Variants in DLGAP2 observed in about 807,000 individuals in gnomAD.
DLGAP2 encodes the protein DLG associated protein 2.
A neutral mutation model predicts 100.3 loss-of-function variants in DLGAP2; 26 were observed. That is an observed-to-expected ratio of 0.26 (90% CI 0.19 to 0.36). The LOEUF (loss-of-function observed/expected upper bound fraction) is 0.36. Ranked by LOEUF, DLGAP2 falls within the 10% of genes least tolerant of loss-of-function variation. The pLI is 1.00. For missense variants in DLGAP2, 1,858 were observed against 1,453.2 expected, an observed-to-expected ratio of 1.28 and a Z score of -4.53; for synonymous variants, 886 against 630.1, an observed-to-expected ratio of 1.41 and a Z score of -6.08.
At chr8:1,092,861 A>T (rs1381620886) in intron 2 of DLGAP2, among the ~76,000 whole-genome samples, 2 of 152,148 alleles carry the variant, frequency 1.3e-5, no homozygotes, top group Non-Finnish European at 2.9e-5. Context: ...GGGGCCTCAT[A>T]ACTGGGTTCA....
intron 2 of DLGAP2, among the ~76,000 whole-genome samples, chr8:1,003,831 G>A (rs996485490): frequency 1.3e-5 from 2 of 152,194 alleles, no homozygotes; most frequent in African/African-American, 4.8e-5. Context: ...GAACCATTGA[G>A]TTAATGATGA....
At chr8:1,067,603 A>ATGTGTGTG (rs1563173889) in intron 2 of DLGAP2, among the ~76,000 whole-genome samples, 1 of 100,894 alleles carries the variant, frequency 9.9e-6, no homozygotes, top group African/African-American at 4.0e-5. Flanking sequence ...TGGTTGAGTG[A>ATGTGTGTG]CGTGTGTGTG....
intron 3 of DLGAP2, among the ~76,000 whole-genome samples, chr8:1,480,882 A>T (rs910125514): frequency 5.3e-5 from 8 of 150,918 alleles, no homozygotes; most frequent in Non-Finnish European, 1.2e-4. Flanking sequence ...AAAAGAAAAG[A>T]AAAGAAAAGG....
intron 2 of DLGAP2, among the ~76,000 whole-genome samples, chr8:1,157,201 A>G (rs1451884): frequency 0.85 from 128,843 of 152,038 alleles, 54,787 homozygotes; most frequent in Non-Finnish European, 0.88. Context: ...TGGGTTCCGT[A>G]CCCCGTGTGT....
At chr8:1,695,028 G>C (rs1356992190) in intron 13 of DLGAP2, among the ~76,000 whole-genome samples, 1 of 152,198 alleles carries the variant, frequency 6.6e-6, no homozygotes, top group Non-Finnish European at 1.5e-5. Flanking sequence ...CGGGTGTGTT[G>C]TTGCCGAGGA....
At chr8:968,817 G>T (rs761660769) in intron 2 of DLGAP2, among the ~76,000 whole-genome samples, 1 of 152,140 alleles carries the variant, frequency 6.6e-6, no homozygotes, top group Non-Finnish European at 1.5e-5. Flanking sequence ...ATAATGAGTC[G>T]CAGTGGATCC....
chr8:1,096,277 C>G (rs1804363167), intron 2 of DLGAP2, among the ~76,000 whole-genome samples: 1 of 152,228 alleles, frequency 6.6e-6, no homozygotes, highest in African/African-American at 2.4e-5. Context: ...CTTGCCAAGC[C>G]TTTGCTCAGA....
intron 1 of DLGAP2, among the ~76,000 whole-genome samples, chr8:822,405 C>T (rs1796600048): frequency 6.6e-6 from 1 of 152,186 alleles, no homozygotes; most frequent in Non-Finnish European, 1.5e-5. Flanking sequence ...GCAGGAGAGG[C>T]TGCGGACACT....
chr8:1,529,204 G>T (rs1401493161), intron 4 of DLGAP2, among the ~76,000 whole-genome samples: 1 of 152,208 alleles, frequency 6.6e-6, no homozygotes, highest in Non-Finnish European at 1.5e-5. Context: ...CAAGGTAGCA[G>T]GAAGGAGAAG....
chr8:1,227,046 T>A (rs1015218228), intron 2 of DLGAP2, among the ~76,000 whole-genome samples: 3 of 149,088 alleles, frequency 2.0e-5, no homozygotes, highest in Non-Finnish European at 4.4e-5. Context: ...CTCGGAAATA[T>A]ATCTGCACTC....
In DLGAP2 at chr8:1,187,701, T is replaced by A. The variant is rs1232302296; in HGVS notation, c.74-71150T>A. Reference sequence around the variant, plus strand: ...ATTTCCCTCACACGCCCAGGACCTCTGTGACGTTTCCCTCACGGAATCTCA... The same window carrying A: ...ATTTCCCTCACACGCCCAGGACCTCAGTGACGTTTCCCTCACGGAATCTCA... On this transcript the variant is annotated intron_variant, in intron 2 of 14. Transcript: ENST00000637795. 9.8e-5 allele frequency among the ~76,000 whole-genome samples: 12 copies of A among 121,896 alleles called. No homozygotes were observed. The East Asian group carries it at 3.5e-3, about 35-fold the overall frequency. The allele number at this position is 121,896 out of a possible 152,430, so 80.0% of individuals were successfully genotyped here. A position where few individuals can be genotyped will look rare whatever the true frequency, so the allele number is the denominator to read the frequency against.
intron 2 of DLGAP2, among the ~76,000 whole-genome samples, chr8:1,236,161 G>A (rs1489367057): frequency 2.5e-5 from 2 of 80,780 alleles, no homozygotes; most frequent in Admixed American, 1.5e-4. Context: ...CACACATAGC[G>A]TCTTGTCTAG....
chr8:764,383 C>G (rs6986946), intron 1 of DLGAP2, among the ~76,000 whole-genome samples: 1 of 152,108 alleles, frequency 6.6e-6, no homozygotes, highest in Non-Finnish European at 1.5e-5. Context: ...TCCATCCATC[C>G]GAGAGAAGAA....
intron 1 of DLGAP2, among the ~76,000 whole-genome samples, chr8:867,797 G>C (rs1797526265): frequency 6.6e-6 from 1 of 152,188 alleles, no homozygotes; most frequent in African/African-American, 2.4e-5. Context: ...GAATGATTCT[G>C]TTTTGAATAA....
intron 2 of DLGAP2, among the ~76,000 whole-genome samples, chr8:1,117,448 G>T (rs1805153399): frequency 6.6e-6 from 1 of 152,232 alleles, no homozygotes; most frequent in South Asian, 2.1e-4. Flanking sequence ...AGAAGAAACA[G>T]GCTCACGGTG....
chr8:949,286 C>T (rs1201193580), intron 2 of DLGAP2, among the ~76,000 whole-genome samples: 1 of 152,134 alleles, frequency 6.6e-6, no homozygotes, highest in Non-Finnish European at 1.5e-5. Context: ...AGTTCAGGCA[C>T]AGGTGCGGAC....
intron 2 of DLGAP2, among the ~76,000 whole-genome samples, chr8:1,123,240 T>TA (rs749431915): frequency 6.6e-6 from 1 of 152,236 alleles, no homozygotes; most frequent in Non-Finnish European, 1.5e-5. Context: ...TTTTGCATTC[T>TA]AAAATGTAAA....
chr8:821,526 A>G (rs1475337358), intron 1 of DLGAP2, among the ~76,000 whole-genome samples: 1 of 152,226 alleles, frequency 6.6e-6, no homozygotes, highest in Non-Finnish European at 1.5e-5. Flanking sequence ...ATTTATCAAA[A>G]ATACATATAT....
chr8:1,386,368 A>G (rs1187995515), intron 3 of DLGAP2, among the ~76,000 whole-genome samples: 1 of 152,210 alleles, frequency 6.6e-6, no homozygotes, highest in South Asian at 2.1e-4. Flanking sequence ...GAAAACTCCC[A>G]TACACCAGCA....
Sources: allele counts gnomAD v4.1 joint callset (sites outside exome capture counted in the v4.1 genomes callset), GRCh38; gene constraint gnomAD v4.1.1; transcripts MANE v1.5; gene names NCBI Gene and HGNC (gene_info 2026-07-23, HGNC 2026-07-21).